The following METTL22 variants were observed in gnomAD, a reference collection of about 807,000 sequenced individuals.
METTL22 encodes methyltransferase-like protein 22.
In METTL22, 51 loss-of-function variants were observed where a neutral mutation model predicts 48.4. The observed-to-expected ratio is 1.05, with a 90% CI of 0.84 to 1.33. The LOEUF is 1.33. Among genes scored for constraint, METTL22 ranks in the 40% most tolerant of loss-of-function variants. The pLI is 0.00. For missense variants in METTL22, 678 were observed against 526.9 expected, an observed-to-expected ratio of 1.29 and a Z score of -2.81; for synonymous variants, 255 against 214.1, an observed-to-expected ratio of 1.19 and a Z score of -1.67.
In METTL22 at chr16:8,628,805, G is replaced by C. The variant is rs2056151516; in HGVS notation, c.209G>C (p.Arg70Thr). The change falls in exon 3 of 11, where the codon AGA (arginine) becomes ACA (threonine). Residue 70 changes from arginine (R) to threonine (T), a missense_variant. By Grantham distance (71) the Arg-to-Thr change is moderately conservative (BLOSUM62 -1). Coordinates refer to ENST00000381920, the MANE Select transcript of METTL22 (RefSeq NM_024109.4). ...TCAGGAGCCAAGGGTGGCAGTCACA[G>C]AGATGTTCACACAAAGGAGCCTCCT... is the stretch of plus-strand genomic sequence containing the variant. ...TDSGAKGGSH[R>T]DVHTKEPPSA... The C allele has an allele frequency of 1.2e-6, 2 of 1,614,096 alleles. No individual in the cohort carries two copies. The highest frequency in any genetic ancestry group is 1.7e-6 in the Non-Finnish European group (2 of 1,180,046).
downstream of METTL22, among the ~76,000 whole-genome samples, chr16:8,650,666 A>G (rs545030648): frequency 6.6e-6 from 1 of 152,240 alleles, no homozygotes; most frequent in Non-Finnish European, 1.5e-5. Flanking sequence ...TGGCTTGATA[A>G]TTACACATTC....
chr16:8,635,418 T>C (rs1641040), intron 5 of METTL22, 106 bp downstream of exon 5: 1,368,950 of 1,372,378 alleles, frequency 1, 682,843 homozygotes, highest in East Asian at 1. Context: ...ATGTTAGCTG[T>C]TGTTGATTTT....
At position 8,628,715 on chromosome 16, in the gene METTL22, T is replaced by C. The variant is rs1286478826; in HGVS notation, c.134-15T>C. Reference sequence around the variant, plus strand: ...ATCTTGGAATTCTCATTTTGCGTTCTGTCTTGCCTTTCAGTTTTCCTGTCC... The same window carrying C: ...ATCTTGGAATTCTCATTTTGCGTTCCGTCTTGCCTTTCAGTTTTCCTGTCC... On this transcript the variant is annotated splice_polypyrimidine_tract_variant and intron_variant, in intron 2 of 10. Coordinates refer to ENST00000381920, the MANE Select transcript of METTL22 (RefSeq NM_024109.4). 2.5e-6 allele frequency: 4 copies of C among 1,574,010 alleles called. No homozygotes were observed. The highest frequency in any genetic ancestry group is 1.7e-6 in the Non-Finnish European group (2 of 1,161,344).
intron 6 of METTL22, 67 bp from the exon 7 acceptor site, chr16:8,641,064 A>G: frequency 1.3e-6 from 2 of 1,493,992 alleles, no homozygotes; most frequent in Non-Finnish European, 1.9e-6. Context: ...ATATAGTGTA[A>G]AAGTTTATCT....
At chr16:8,650,344 C>T (rs1278216503), downstream of METTL22, among the ~76,000 whole-genome samples, 1 of 152,164 alleles carries the variant, frequency 6.6e-6, no homozygotes, top group African/African-American at 2.4e-5. Flanking sequence ...AAAAAAAACC[C>T]ACCAACTCCG....
At chr16:8,641,300 C>T in intron 7 of METTL22, 116 bp downstream of exon 7, 3 of 992,518 alleles carry the variant, frequency 3.0e-6, no homozygotes, top group East Asian at 5.0e-5. Context: ...GCCACAGTCC[C>T]ATCGGCGCAT....
chr16:8,652,544 T>C (rs907903444), downstream of METTL22, among the ~76,000 whole-genome samples: 33 of 141,596 alleles, frequency 2.3e-4, no homozygotes, highest in Non-Finnish European at 1.2e-4. Flanking sequence ...TGTGGCCAGG[T>C]GCAGTGGCTC....
chr16:8,630,302 T>A (rs1003550392), intron 3 of METTL22, among the ~76,000 whole-genome samples: 1 of 152,206 alleles, frequency 6.6e-6, no homozygotes, highest in African/African-American at 2.4e-5. Context: ...CAGTTCCATG[T>A]ATCCCATGGG....
chr16:8,666,566 C>T, the METTL22 span, among the ~76,000 whole-genome samples: 1 of 152,198 alleles, frequency 6.6e-6, no homozygotes, highest in Non-Finnish European at 1.5e-5. Context: ...ACTTCTCCCA[C>T]TTAACACTCA....
chr16:8,667,108 T>C, the METTL22 span: 1 of 151,986 alleles, frequency 6.6e-6, no homozygotes, highest in Non-Finnish European at 1.5e-5. Flanking sequence ...GTCTCCTGAT[T>C]TTCATCTTCC....
At chr16:8,665,044 T>C in the METTL22 span, among the ~76,000 whole-genome samples, 1 of 152,234 alleles carries the variant, frequency 6.6e-6, no homozygotes, top group African/African-American at 2.4e-5. Context: ...GGAGCCCTGA[T>C]GGGCCTGACT....
At chr16:8,638,631 T>C (rs2056496580) in intron 5 of METTL22, among the ~76,000 whole-genome samples, 1 of 152,134 alleles carries the variant, frequency 6.6e-6, no homozygotes, top group Admixed American at 6.5e-5. Flanking sequence ...CCAGTCAGTT[T>C]TCCTAGGGTG....
At chr16:8,663,485 C>T in the METTL22 span, among the ~76,000 whole-genome samples, 3 of 152,032 alleles carry the variant, frequency 2.0e-5, no homozygotes, top group Non-Finnish European at 4.4e-5. Flanking sequence ...ACAACACATA[C>T]CTGGATGTTC....
intron 6 of METTL22, among the ~76,000 whole-genome samples, 162 bp from the exon 7 acceptor site, chr16:8,640,969 G>GCTGGCTGTCTGT (rs1555475055): frequency 8.8e-6 from 1 of 113,610 alleles, no homozygotes; most frequent in Non-Finnish European, 2.0e-5. Context: ...TGGCTGGCTG[G>GCTGGCTGTCTGT]CTGGCTGGCT....
At chr16:8,621,942 A>C (rs1316138004) in intron 1 of METTL22, among the ~76,000 whole-genome samples, 167 bp downstream of exon 1, 1 of 152,202 alleles carries the variant, frequency 6.6e-6, no homozygotes, top group Non-Finnish European at 1.5e-5. Context: ...TTGGGGAAAG[A>C]AGTCCACGTC....
intron 5 of METTL22, among the ~76,000 whole-genome samples, chr16:8,637,418 C>G (rs1596352296): frequency 6.6e-6 from 1 of 152,214 alleles, no homozygotes; most frequent in Non-Finnish European, 1.5e-5. Flanking sequence ...GAAGTCTTAT[C>G]CCTGAGAGAG....
the METTL22 span, among the ~76,000 whole-genome samples, chr16:8,655,471 C>G: frequency 6.6e-6 from 1 of 152,210 alleles, no homozygotes; most frequent in Admixed American, 6.5e-5. Flanking sequence ...AGCAAGCATA[C>G]AAGAATAGAG....
intron 5 of METTL22, among the ~76,000 whole-genome samples, chr16:8,636,567 C>T (rs1418295252): frequency 6.7e-6 from 1 of 149,572 alleles, no homozygotes; most frequent in East Asian, 1.9e-4. Context: ...TTTTAATGAC[C>T]AGATAATATT....
chr16:8,639,602 G>A (rs1385909791), intron 6 of METTL22: 10 of 200,112 alleles, frequency 5.0e-5, no homozygotes, highest in Non-Finnish European at 1.0e-4. Context: ...GCCCAGCCCC[G>A]GCCTGCTCTC....
Sources: allele counts gnomAD v4.1 joint callset (sites outside exome capture counted in the v4.1 genomes callset), GRCh38; gene constraint gnomAD v4.1.1; transcripts MANE v1.5; gene names NCBI Gene and HGNC (gene_info 2026-07-23, HGNC 2026-07-21).